Variants in HS6ST3 observed in about 807,000 individuals in gnomAD.
HS6ST3 encodes heparan sulfate 6-O-sulfotransferase 3.
HS6ST3 carries 12 observed loss-of-function variants against 36.7 expected under a neutral mutation model. The observed-to-expected ratio is 0.33, with a 90% CI of 0.21 to 0.53. HS6ST3 has a LOEUF of 0.53. HS6ST3 is among the 20% of genes least tolerant of loss of function. The pLI is 0.95. For synonymous variants in HS6ST3, 240 were observed against 257.5 expected, an observed-to-expected ratio of 0.93 and a Z score of 0.65; for missense variants, 584 against 640.9, an observed-to-expected ratio of 0.91 and a Z score of 0.96.
chr13:96,228,926 T>C (rs757394259), intron 1 of HS6ST3, among the ~76,000 whole-genome samples: 4 of 152,146 alleles, frequency 2.6e-5, no homozygotes, highest in Non-Finnish European at 5.9e-5. Context: ...CAGAGGAATG[T>C]GCGTGTAGGC....
chr13:96,346,857 A>C (rs2055157956), intron 1 of HS6ST3, among the ~76,000 whole-genome samples: 1 of 152,054 alleles, frequency 6.6e-6, no homozygotes, highest in Non-Finnish European at 1.5e-5. Flanking sequence ...AGAGGATGTC[A>C]CTTCCATGAT....
intron 1 of HS6ST3, among the ~76,000 whole-genome samples, chr13:96,806,272 A>G (rs1418941424): frequency 6.6e-6 from 1 of 152,206 alleles, no homozygotes; most frequent in Non-Finnish European, 1.5e-5. Flanking sequence ...ATAATCAAAG[A>G]TCGATTAATG....
chr13:96,134,833 T>G (rs1460520897), intron 1 of HS6ST3, among the ~76,000 whole-genome samples: 1 of 152,224 alleles, frequency 6.6e-6, no homozygotes, highest in Non-Finnish European at 1.5e-5. Flanking sequence ...TAGAATTGCA[T>G]GTGACACATT....
At chr13:96,341,441 T>C (rs1197062871) in intron 1 of HS6ST3, among the ~76,000 whole-genome samples, 1 of 152,168 alleles carries the variant, frequency 6.6e-6, no homozygotes, top group East Asian at 1.9e-4. Context: ...GTGCAGCCCA[T>C]ATATAAATCA....
intron 1 of HS6ST3, among the ~76,000 whole-genome samples, chr13:96,578,981 T>G (rs2056331605): frequency 2.0e-5 from 3 of 152,180 alleles, no homozygotes; most frequent in Admixed American, 1.3e-4. Flanking sequence ...TGTTTTACAT[T>G]AAAAGAGTAT....
intron 1 of HS6ST3, among the ~76,000 whole-genome samples, chr13:96,438,563 A>G (rs575065643): frequency 6.6e-6 from 1 of 152,288 alleles, no homozygotes; most frequent in East Asian, 1.9e-4. Context: ...GGGGCATTTC[A>G]TTGTTGTTCA....
chr13:96,253,457 T>C (rs578001204), intron 1 of HS6ST3, among the ~76,000 whole-genome samples: 5 of 152,302 alleles, frequency 3.3e-5, no homozygotes, highest in African/African-American at 1.2e-4. Flanking sequence ...GTGGCTGCTG[T>C]CCTTACTCTC....
At chr13:96,508,588 C>T (rs1388747117) in intron 1 of HS6ST3, among the ~76,000 whole-genome samples, 63 of 152,048 alleles carry the variant, frequency 4.1e-4, no homozygotes, top group Admixed American at 4.1e-3. Flanking sequence ...CCTTTGTGTA[C>T]TCATAGCTTA....
At chr13:96,673,062 T>G (rs1246630516) in intron 1 of HS6ST3, among the ~76,000 whole-genome samples, 1 of 152,120 alleles carries the variant, frequency 6.6e-6, no homozygotes, top group Non-Finnish European at 1.5e-5. Context: ...AGGAGAACCC[T>G]CTCCTTTCTT....
chr13:96,588,752 T>A (rs181694560), intron 1 of HS6ST3, among the ~76,000 whole-genome samples: 1,617 of 152,174 alleles, frequency 0.011, 20 homozygotes, highest in African/African-American at 0.025. Flanking sequence ...AATTTTTTTT[T>A]AAAGTGTTTC....
chr13:96,197,918 G>A (rs2054322239), intron 1 of HS6ST3, among the ~76,000 whole-genome samples: 1 of 152,194 alleles, frequency 6.6e-6, no homozygotes, highest in Admixed American at 6.5e-5. Context: ...GGGACTCTGT[G>A]TGGGCGCTCT....
At chr13:96,184,959 A>G (rs2054258471) in intron 1 of HS6ST3, among the ~76,000 whole-genome samples, 1 of 152,194 alleles carries the variant, frequency 6.6e-6, no homozygotes, top group African/African-American at 2.4e-5. Flanking sequence ...TTGACTGAAA[A>G]TATATATCTA....
intron 1 of HS6ST3, among the ~76,000 whole-genome samples, chr13:96,371,306 CT>C (rs907126104): frequency 2.6e-5 from 4 of 151,972 alleles, no homozygotes; most frequent in Non-Finnish European, 4.4e-5. Flanking sequence ...TTTTAGAAAT[CT>C]TTTTTATAGC....
At chr13:96,293,628 C>A (rs8001097) in intron 1 of HS6ST3, among the ~76,000 whole-genome samples, 62,152 of 151,904 alleles carry the variant, frequency 0.41, 12,953 homozygotes, top group East Asian at 0.51. Context: ...TTCAGTATTT[C>A]ATAAGTATTA....
intron 1 of HS6ST3, among the ~76,000 whole-genome samples, chr13:96,738,175 T>C (rs1876333925): frequency 6.6e-6 from 1 of 152,246 alleles, no homozygotes; most frequent in Non-Finnish European, 1.5e-5. Flanking sequence ...GATCACACCC[T>C]ATGTTCACCA....
intron 1 of HS6ST3, among the ~76,000 whole-genome samples, chr13:96,672,894 A>G (rs1270381282): frequency 6.6e-6 from 1 of 152,122 alleles, no homozygotes; most frequent in Non-Finnish European, 1.5e-5. Context: ...ATGAGGGTGT[A>G]TTCATTTCGT....
chr13:96,145,399 G>T (rs2054052610), intron 1 of HS6ST3, among the ~76,000 whole-genome samples: 1 of 151,726 alleles, frequency 6.6e-6, no homozygotes, highest in African/African-American at 2.4e-5. Flanking sequence ...TTTCTCTGAT[G>T]GCCAGTGATG....
chr13:96,450,359 C>A (rs1192685332), intron 1 of HS6ST3, among the ~76,000 whole-genome samples: 1 of 152,088 alleles, frequency 6.6e-6, no homozygotes, highest in Non-Finnish European at 1.5e-5. Context: ...CATGTCTATT[C>A]ATCTGAACAG....
chr13:96,514,755 A>C (rs776609947), intron 1 of HS6ST3, among the ~76,000 whole-genome samples: 1 of 152,202 alleles, frequency 6.6e-6, no homozygotes, highest in Non-Finnish European at 1.5e-5. Flanking sequence ...GCTTGAGCAG[A>C]CTAATCTGGT....
Sources: gnomAD v4.1 joint callset for allele counts (sites outside exome capture counted in the v4.1 genomes callset) on GRCh38, gnomAD v4.1.1 for gene constraint, MANE v1.5 for transcripts, NCBI Gene and HGNC (gene_info 2026-07-23, HGNC 2026-07-21) for gene names.